CACNA1H: variants seen among roughly 807,000 people sequenced by gnomAD.
CACNA1H encodes voltage-dependent T-type calcium channel subunit alpha-1H.
A neutral mutation model predicts 192.5 loss-of-function variants in CACNA1H; 149 were observed. The observed-to-expected ratio is 0.77, with a 90% confidence interval of 0.68 to 0.89. The LOEUF is 0.89. Ranked by LOEUF, CACNA1H falls within the 40% of genes least tolerant of loss-of-function variation. The probability of loss-of-function intolerance (pLI) is 0.00; values close to 1 mark genes in which losing one functional copy is unlikely to be tolerated. For synonymous variants in CACNA1H, 2,202 were observed against 1,475.2 expected (o/e 1.49, Z -11.29); for missense variants, 4,257 against 3,423.5 (o/e 1.24, Z -6.08).
intron 2 of CACNA1H, among the ~76,000 whole-genome samples, chr16:1,191,347 C>T (rs868167476): frequency 8.4e-6 from 1 of 118,374 alleles, no homozygotes. Context: ...CACTCGGGGT[C>T]TCTGACCCAG....
chr16:1,194,181 G>C (rs1966840221), intron 2 of CACNA1H, among the ~76,000 whole-genome samples: 1 of 152,026 alleles, frequency 6.6e-6, no homozygotes, highest in Admixed American at 6.5e-5. Context: ...CGGCCACCGG[G>C]CTGCCCCTGA....
chr16:1,166,704 C>T (rs1567443363), intron 2 of CACNA1H, among the ~76,000 whole-genome samples: 1 of 152,146 alleles, frequency 6.6e-6, no homozygotes, highest in Non-Finnish European at 1.5e-5. Context: ...GGTGTGGACT[C>T]CTGCACCGGC....
intron 2 of CACNA1H, among the ~76,000 whole-genome samples, chr16:1,156,718 T>TC (rs1195860576): frequency 2.6e-5 from 4 of 151,900 alleles, no homozygotes; most frequent in African/African-American, 7.3e-5. Flanking sequence ...GACTCCATGC[T>TC]CCCGGGGGTT....
intron 30 of CACNA1H, 68 bp downstream of exon 30, chr16:1,215,661 G>A (rs60645584): frequency 1.7e-5 from 22 of 1,285,678 alleles, no homozygotes; most frequent in East Asian, 2.5e-5. Flanking sequence ...GCGCCTCGCC[G>A]TCCCCCTCTC....
chr16:1,171,345 G>A (rs1194392856), intron 2 of CACNA1H, among the ~76,000 whole-genome samples: 1 of 152,170 alleles, frequency 6.6e-6, no homozygotes, highest in Non-Finnish European at 1.5e-5. Context: ...AAGAGGACGA[G>A]GCCCAGATGG....
chr16:1,220,242 A>G lies in CACNA1H; in HGVS notation c.6310A>G (p.Ile2104Val), dbSNP rs1034656204. Residue 2104 changes from isoleucine to valine, a missense_variant, in exon 35 of 35, where the codon ATC becomes GTC. Ile to Val is a conservative substitution (Grantham distance 29). Transcript: ENST00000348261. ...CCCAGCCGACGAGGAGGTCAGCCAC[A>G]TCACCAGCTCCGCCTGCCCCTGGCA... ...SDPADEEVSHITSSACPWQPT... is the reference protein window; with the variant it reads ...SDPADEEVSHVTSSACPWQPT... 1.3e-6 allele frequency: 2 copies of G among 1,584,862 alleles called. No homozygotes were observed. Among genetic ancestry groups the G allele is most frequent in the African/African-American group, 1.4e-5 (1 of 72,816 alleles).
At chr16:1,171,118 C>G (rs1964325155) in intron 2 of CACNA1H, among the ~76,000 whole-genome samples, 1 of 152,192 alleles carries the variant, frequency 6.6e-6, no homozygotes, top group African/African-American at 2.4e-5. Context: ...TGAGCCCCTC[C>G]CCTCCCCTAG....
At chr16:1,209,490 T>TGGGATTCAGGGCGTGTTGTTGACTGAG in intron 17 of CACNA1H, 78 bp downstream of exon 17, 1 of 1,545,308 alleles carries the variant, frequency 6.5e-7, no homozygotes, top group South Asian at 1.2e-5. Flanking sequence ...GGGTTTGAGA[T>TGGGATTCAGGGCGTGTTGTTGACTGAG]GGGATTCAGG....
chr16:1,161,792 C>G (rs1963226945), intron 2 of CACNA1H, among the ~76,000 whole-genome samples: 1 of 152,164 alleles, frequency 6.6e-6, no homozygotes, highest in Admixed American at 6.5e-5. Context: ...GGCCAGGCCC[C>G]ACGCCAGCCC....
chr16:1,215,920 G>T (rs905391300), intron 30 of CACNA1H, among the ~76,000 whole-genome samples: 16 of 152,088 alleles, frequency 1.1e-4, no homozygotes, highest in African/African-American at 3.9e-4. Flanking sequence ...GTGGGCACAG[G>T]AATACACCCA....
intron 9 of CACNA1H, 61 bp from the exon 10 acceptor site, chr16:1,203,949 C>T (rs1158489014): frequency 7.7e-7 from 1 of 1,303,442 alleles, no homozygotes; most frequent in Non-Finnish European, 1.0e-6. Flanking sequence ...TGTGAGGGTT[C>T]CCGGGCCCTT....
Position 1,204,375 on chromosome 16 carries a change from G to A in CACNA1H, c.2368G>A (p.Val790Met), listed in dbSNP as rs28365116. The change falls in exon 10 of 35, where the codon GTG becomes ATG. Residue 790 changes from valine (V) to methionine (M), a missense_variant. Physicochemically the swap from Val to Met is conservative, Grantham distance 21. Coordinates refer to ENST00000348261, the MANE Select transcript of CACNA1H (RefSeq NM_021098.3). ...VTFSGKLRRI[V>M]DSKYFSRGIM... is the part of the protein sequence containing the mutation. ...CTTCAGCGGCAAGCTGCGCCGCATC[G>A]TGGACAGCAAGTACTTCAGCCGTGG... The A allele has an allele frequency of 1.3e-4, 207 of 1,567,362 alleles. No homozygotes were observed. The African/African-American group carries it at 2.0e-3, about 15-fold the overall frequency.
rs1372002770 is a variant in CACNA1H, at chr16:1,153,975, T to C, written c.238T>C (p.Phe80Leu). The change falls in exon 2 of 35, where the codon TTC (phenylalanine) becomes CTC (leucine). Residue 80 changes from phenylalanine to leucine, a missense_variant. Coordinates refer to ENST00000348261, the MANE Select transcript of CACNA1H (RefSeq NM_021098.3). ...GTACCCGGCCTTGGCGGCCACGGTC[T>C]TCTTCTGCCTCGGTCAGACCACGCG... The part of the protein sequence containing the change: ...VPYPALAATV[F>L]FCLGQTTRPR... The C allele has an allele frequency of 1.4e-6, 2 of 1,446,316 alleles. No individual in the cohort carries two copies. The highest frequency in any genetic ancestry group is 3.0e-5 in the African/African-American group (2 of 67,454). 89.6% of individuals were successfully genotyped at this position (1,446,316 alleles called of 1,614,324 possible).
chr16:1,195,704 G>T, intron 4 of CACNA1H, 139 bp downstream of exon 4: 1 of 1,092,012 alleles, frequency 9.2e-7, no homozygotes. Flanking sequence ...CCCTGTCTGG[G>T]ACTCCGGAGA....
rs1196780305 is a variant in CACNA1H, at chr16:1,207,677, C to T, written c.3064-93C>T. 10 of 1,195,222 alleles carry T rather than the reference C, an allele frequency of 8.4e-6. No homozygotes were observed. The African/African-American group carries it at 1.1e-4, about 13-fold the overall frequency. The allele number at this position is 1,195,222 out of a possible 1,614,324, so 74.0% of individuals were successfully genotyped here. ...ATCCTCTGGGCCCTTCTGTCCACAC[C>T]CCACCTCCCAGGCCAGCCCAGACTT... On this transcript the variant is annotated intron_variant, in intron 14 of 34. Transcript: ENST00000348261.
rs1967987334 is a variant in CACNA1H, at chr16:1,201,995, C to G, written c.1545C>G (p.His515Gln). The G allele has an allele frequency of 2.6e-6, 4 of 1,539,694 alleles. No individual in the cohort carries two copies. The African/African-American group carries it at 5.5e-5, about 21-fold the overall frequency. ...RRAGRHTASV[H>Q]HLVYHHHHHH... ...CAGGCAGGCACACAGCCTCGGTGCA[C>G]CACCTGGTCTACCACCACCATCACC... Residue 515 changes from histidine (H) to glutamine (Q), a missense_variant, in exon 9 of 35, where the codon CAC becomes CAG. Coordinates refer to ENST00000348261, the MANE Select transcript of CACNA1H (RefSeq NM_021098.3).
At chr16:1,188,565 G>T (rs1966289522) in intron 2 of CACNA1H, among the ~76,000 whole-genome samples, 1 of 152,234 alleles carries the variant, frequency 6.6e-6, no homozygotes, top group African/African-American at 2.4e-5. Context: ...CCGCGGGAAT[G>T]CAGGCCTTGC....
chr16:1,207,957 T>C, intron 15 of CACNA1H, 56 bp from the exon 16 acceptor site: 1 of 1,550,872 alleles, frequency 6.4e-7, no homozygotes. Flanking sequence ...GTTGGGGGAT[T>C]CCTGGTCCTG....
Position 1,212,249 on chromosome 16 carries a change from C to G in CACNA1H, c.4759+111C>G. 5.6e-6 allele frequency: 8 copies of G among 1,418,016 alleles called. No individual in the cohort carries two copies. In the South Asian group the frequency reaches 1.1e-4, roughly 20 times the overall value. 87.8% of individuals were successfully genotyped at this position (1,418,016 alleles called of 1,614,324 possible). ...CCTCCCCGAATGGCTCTGCACGCCA[C>G]CCGCCTTGCCTGGGCCTGCATGGGG... is the stretch of plus-strand genomic sequence containing the variant. On this transcript the variant is annotated intron_variant, in intron 25 of 34. Transcript: ENST00000348261.
Sources: gnomAD v4.1 joint callset for allele counts (sites outside exome capture counted in the v4.1 genomes callset) on GRCh38, gnomAD v4.1.1 for gene constraint, MANE v1.5 for transcripts, NCBI Gene and HGNC (gene_info 2026-07-23, HGNC 2026-07-21) for gene names.